The following KAT6B variants were observed in gnomAD, a reference collection of about 807,000 sequenced individuals.
KAT6B encodes the protein lysine acetyltransferase 6B.
Under a neutral mutation model 187.5 loss-of-function variants are expected in KAT6B, and 10 were observed. That is an observed-to-expected ratio of 0.05 (90% CI 0.03 to 0.09). The LOEUF is 0.09. KAT6B is among the 10% of genes least tolerant of loss of function. KAT6B has a pLI of 1.00. For synonymous variants in KAT6B, 861 were observed against 926.8 expected, an observed-to-expected ratio of 0.93 and a Z score of 1.29; for missense variants, 1,952 against 2,558.9, an observed-to-expected ratio of 0.76 and a Z score of 5.12.
At chr10:74,992,498 T>A (rs1843179798) in intron 13 of KAT6B, among the ~76,000 whole-genome samples, 1 of 152,228 alleles carries the variant, frequency 6.6e-6, no homozygotes, top group Non-Finnish European at 1.5e-5. Flanking sequence ...AATTCTATAA[T>A]AAAGTGTTGA....
chr10:75,002,230 G>T (rs188879587), intron 13 of KAT6B, among the ~76,000 whole-genome samples: 180 of 152,204 alleles, frequency 1.2e-3, no homozygotes, highest in African/African-American at 4.1e-3. Context: ...TCTGTCTGGG[G>T]GAGGCTGCAG....
chr10:74,966,889 G>T (rs866398097), intron 4 of KAT6B, among the ~76,000 whole-genome samples: 21 of 152,250 alleles, frequency 1.4e-4, no homozygotes, highest in African/African-American at 4.6e-4. Context: ...AATTAGCCGG[G>T]CTTGGTGATG....
chr10:74,986,644 A>G (rs1341943824), intron 12 of KAT6B, among the ~76,000 whole-genome samples: 1 of 152,238 alleles, frequency 6.6e-6, no homozygotes, highest in Non-Finnish European at 1.5e-5. Flanking sequence ...AAGAAAGTTA[A>G]TTTGCACATT....
At position 75,030,125 on chromosome 10, in the gene KAT6B, T is replaced by C. The variant is rs750119553; in HGVS notation, c.5301T>C (p.Ala1767=). 6.2e-6 allele frequency: 10 copies of C among 1,614,208 alleles called. No individual in the cohort carries two copies. The highest frequency in any genetic ancestry group is 2.7e-5 in the African/African-American group (2 of 75,060). Residue 1767 remains alanine (A), a synonymous_variant, in exon 18 of 18, where the codon GCT becomes GCC. Transcript: ENST00000287239. The surrounding 1 kb of genome is among the most constrained non-coding windows in gnomAD (Gnocchi z 4.8). ...CTCCGAGCAGCAGCCAGCAGCTGGC[T>C]CAGTGCAGCATGGCTGCTAACTTCA... The part of the protein sequence containing the change: ...ERPPSSSQQL[A]QCSMAANFTP...
At chr10:74,831,322 G>A (rs1840837108) in intron 1 of KAT6B, among the ~76,000 whole-genome samples, 1 of 152,042 alleles carries the variant, frequency 6.6e-6, no homozygotes. Flanking sequence ...TAATTTTAAT[G>A]GAGTCAAATT....
Position 74,861,656 on chromosome 10 carries a change from C to T in KAT6B, c.621+18178C>T, listed in dbSNP as rs1843199415. Among the ~76,000 whole-genome samples the T allele has an allele frequency of 2.0e-5, 3 of 152,138 alleles. No individual in the cohort carries two copies. In the South Asian group the frequency reaches 6.2e-4, roughly 32 times the overall value. ...ATGTAACCATTATACTACATTACCT[C>T]TCATTTTCCTGATGAAGAAAACTTC... On this transcript the variant is annotated intron_variant, in intron 3 of 17. Coordinates refer to ENST00000287239, the MANE Select transcript of KAT6B (RefSeq NM_012330.4).
At chr10:75,019,092 G>A (rs548515231) in intron 13 of KAT6B, among the ~76,000 whole-genome samples, 1 of 152,318 alleles carries the variant, frequency 6.6e-6, no homozygotes, top group South Asian at 2.1e-4. Flanking sequence ...GGCCATCACT[G>A]TGTTAGCATT....
chr10:74,839,299 C>T (rs1412696401), intron 2 of KAT6B, among the ~76,000 whole-genome samples: 2 of 149,638 alleles, frequency 1.3e-5, no homozygotes, highest in Non-Finnish European at 3.0e-5. Context: ...GGCGCAATCT[C>T]GACTCACTGC....
At chr10:74,918,439 TGAAG>T (rs1847866926) in intron 3 of KAT6B, among the ~76,000 whole-genome samples, 1 of 152,158 alleles carries the variant, frequency 6.6e-6, no homozygotes, top group African/African-American at 2.4e-5. Flanking sequence ...GACTGGGTCT[TGAAG>T]GAGTAAAAGA....
chr10:74,847,129 G>T (rs1407647483), intron 3 of KAT6B, among the ~76,000 whole-genome samples: 2 of 152,166 alleles, frequency 1.3e-5, no homozygotes, highest in African/African-American at 4.8e-5. Context: ...AGGATTGAGA[G>T]CAGAGTAATT....
chr10:74,880,684 C>T (rs900082086), intron 3 of KAT6B, among the ~76,000 whole-genome samples: 6 of 152,082 alleles, frequency 3.9e-5, no homozygotes, highest in East Asian at 1.9e-4. Context: ...GGCGCAATCT[C>T]GGCTCACTGC....
At chr10:75,025,336 A>C (rs1845741271) in intron 17 of KAT6B, 87 bp downstream of exon 17, 4 of 1,398,922 alleles carry the variant, frequency 2.9e-6, no homozygotes, top group Non-Finnish European at 4.0e-6. Context: ...CGTGATGCCC[A>C]GAGGCACCTG....
At chr10:74,992,514 T>A (rs374572331) in intron 13 of KAT6B, among the ~76,000 whole-genome samples, 3 of 152,288 alleles carry the variant, frequency 2.0e-5, no homozygotes. Context: ...GTTGAATATC[T>A]CATGTAAGAG....
intron 3 of KAT6B, among the ~76,000 whole-genome samples, chr10:74,862,780 A>G (rs1401529662): frequency 6.6e-6 from 1 of 152,184 alleles, no homozygotes; most frequent in African/African-American, 2.4e-5. Context: ...CCACACTGGG[A>G]TAGTCGCTGC....
At chr10:74,938,536 C>T (rs867121435) in intron 3 of KAT6B, among the ~76,000 whole-genome samples, 3 of 152,086 alleles carry the variant, frequency 2.0e-5, no homozygotes, top group African/African-American at 7.2e-5. Flanking sequence ...TGATATTTTA[C>T]CTGTATAGAT....
intron 3 of KAT6B, among the ~76,000 whole-genome samples, chr10:74,867,751 G>C (rs1346798664): frequency 6.6e-6 from 1 of 152,198 alleles, no homozygotes; most frequent in Non-Finnish European, 1.5e-5. Context: ...GAATTCTGCA[G>C]ACCAGTTGGT....
At chr10:74,981,474 A>G (rs1198357936) in intron 10 of KAT6B, among the ~76,000 whole-genome samples, 1 of 152,080 alleles carries the variant, frequency 6.6e-6, no homozygotes, top group Non-Finnish European at 1.5e-5. Context: ...CATGGGCTTA[A>G]GCGATCTTCC....
intron 3 of KAT6B, among the ~76,000 whole-genome samples, chr10:74,944,854 C>T (rs1471421492): frequency 1.4e-5 from 2 of 139,092 alleles, no homozygotes; most frequent in Non-Finnish European, 3.1e-5. Flanking sequence ...ATTAAAATCA[C>T]AATGAGACAC....
chr10:74,903,956 G>A (rs1242914918), intron 3 of KAT6B, among the ~76,000 whole-genome samples: 2 of 152,158 alleles, frequency 1.3e-5, no homozygotes, highest in Admixed American at 1.3e-4. Flanking sequence ...ATGTTCCAGG[G>A]ACTGAGATAC....
Sources: gnomAD v4.1 joint callset for allele counts (sites outside exome capture counted in the v4.1 genomes callset) on GRCh38, gnomAD v4.1.1 for gene constraint, Gnocchi (gnomAD v3.1) non-coding constraint, MANE v1.5 for transcripts, NCBI Gene and HGNC (gene_info 2026-07-23, HGNC 2026-07-21) for gene names.